The following KCNIP4 variants were observed in gnomAD, a reference collection of about 807,000 sequenced individuals.
KCNIP4 encodes the protein potassium voltage-gated channel interacting protein 4, also known as Kv channel-interacting protein 4.
KCNIP4 carries 12 observed loss-of-function variants against 34.0 expected under a neutral mutation model. That is an observed-to-expected ratio of 0.35 (90% CI 0.23 to 0.57). The LOEUF is 0.57. KCNIP4 is among the 20% of genes least tolerant of loss of function. The probability of loss-of-function intolerance (pLI) is 0.83; values close to 1 mark genes in which losing one functional copy is unlikely to be tolerated. For synonymous variants in KCNIP4, 124 were observed against 102.2 expected (o/e 1.21, Z -1.29); for missense variants, 238 against 311.7 (o/e 0.76, Z 1.78).
intron 1 of KCNIP4, among the ~76,000 whole-genome samples, chr4:21,899,152 A>C (rs1727567207): frequency 6.6e-6 from 1 of 152,216 alleles, no homozygotes; most frequent in South Asian, 2.1e-4. Context: ...AATCAATGTG[A>C]TACATAATGT....
chr4:21,119,350 C>A (rs188695683), intron 1 of KCNIP4, among the ~76,000 whole-genome samples: 167 of 151,398 alleles, frequency 1.1e-3, no homozygotes, highest in African/African-American at 3.9e-3. Flanking sequence ...GGCTATACCC[C>A]TGTCCCTTTG....
At chr4:21,189,010 T>A (rs1182235389) in intron 1 of KCNIP4, among the ~76,000 whole-genome samples, 1 of 152,220 alleles carries the variant, frequency 6.6e-6, no homozygotes, top group Non-Finnish European at 1.5e-5. Flanking sequence ...ACTCTTTGCA[T>A]ACTTGGGCAA....
At chr4:21,493,525 A>G (rs1009469307) in intron 1 of KCNIP4, among the ~76,000 whole-genome samples, 1 of 152,190 alleles carries the variant, frequency 6.6e-6, no homozygotes, top group African/African-American at 2.4e-5. Flanking sequence ...TCCTACAAAC[A>G]TTTTTAAGGC....
intron 1 of KCNIP4, among the ~76,000 whole-genome samples, chr4:21,739,886 G>A (rs1285382185): frequency 6.6e-6 from 1 of 152,002 alleles, no homozygotes; most frequent in Admixed American, 6.6e-5. Flanking sequence ...TCCAATGGTT[G>A]GTTCACAGGA....
At chr4:21,289,243 G>T (rs1386805256) in intron 1 of KCNIP4, among the ~76,000 whole-genome samples, 1 of 152,038 alleles carries the variant, frequency 6.6e-6, no homozygotes, top group Non-Finnish European at 1.5e-5. Context: ...ATTCAATCAG[G>T]GTAATTGGGG....
chr4:21,868,776 G>A (rs937404717), intron 1 of KCNIP4, among the ~76,000 whole-genome samples: 8 of 152,144 alleles, frequency 5.3e-5, no homozygotes, highest in Non-Finnish European at 1.2e-4. Flanking sequence ...CATTTACAAA[G>A]GCAGGTGGTA....
At chr4:21,382,760 C>T (rs1721633995) in intron 1 of KCNIP4, among the ~76,000 whole-genome samples, 1 of 152,094 alleles carries the variant, frequency 6.6e-6, no homozygotes. Context: ...AAACAAAATA[C>T]CAGAAACTAT....
At chr4:21,487,290 A>G (rs1228765767) in intron 1 of KCNIP4, among the ~76,000 whole-genome samples, 1 of 152,064 alleles carries the variant, frequency 6.6e-6, no homozygotes, top group Non-Finnish European at 1.5e-5. Context: ...CATCTTGTAT[A>G]ATGTCCTTTA....
At chr4:21,471,791 T>C (rs139964318) in intron 1 of KCNIP4, among the ~76,000 whole-genome samples, 1 of 152,322 alleles carries the variant, frequency 6.6e-6, no homozygotes, top group Non-Finnish European at 1.5e-5. Context: ...CCTCCATCCC[T>C]GGATTTTAAA....
At chr4:21,292,074 T>C (rs527246507) in intron 1 of KCNIP4, among the ~76,000 whole-genome samples, 9 of 152,342 alleles carry the variant, frequency 5.9e-5, no homozygotes, top group Admixed American at 3.9e-4. Context: ...AATTCATCTG[T>C]TGCTTTAAGA....
intron 1 of KCNIP4, among the ~76,000 whole-genome samples, chr4:21,427,040 G>T (rs1725990343): frequency 6.6e-6 from 1 of 151,584 alleles, no homozygotes; most frequent in Non-Finnish European, 1.5e-5. Context: ...AGCTCTTTTT[G>T]TGCAATGGTA....
At chr4:21,678,613 T>C (rs1334174112) in intron 1 of KCNIP4, among the ~76,000 whole-genome samples, 1 of 152,222 alleles carries the variant, frequency 6.6e-6, no homozygotes, top group Non-Finnish European at 1.5e-5. Context: ...ACTGACATGC[T>C]TTCTGCTTCT....
intron 1 of KCNIP4, chr4:21,729,726 G>A (rs1577911994): frequency 8.6e-6 from 1 of 116,284 alleles, no homozygotes; most frequent in East Asian, 3.7e-4. Flanking sequence ...TTTTAATCAA[G>A]AAACTAAGTT....
chr4:21,484,574 A>G (rs1256182512), intron 1 of KCNIP4, among the ~76,000 whole-genome samples: 1 of 152,208 alleles, frequency 6.6e-6, no homozygotes, highest in African/African-American at 2.4e-5. Context: ...GCAACCTGAC[A>G]TCTGTGAGTA....
intron 3 of KCNIP4, among the ~76,000 whole-genome samples, chr4:20,830,586 G>A (rs1470546525): frequency 6.6e-6 from 1 of 152,090 alleles, no homozygotes; most frequent in Non-Finnish European, 1.5e-5. Context: ...ATGGCCTTGG[G>A]AAGTTTCTAA....
At chr4:20,796,459 G>A (rs1295749568) in intron 3 of KCNIP4, among the ~76,000 whole-genome samples, 1 of 152,110 alleles carries the variant, frequency 6.6e-6, no homozygotes, top group Non-Finnish European at 1.5e-5. Context: ...TGTGTAATGT[G>A]TTGGCTCATT....
At chr4:21,086,859 CTT>C (rs1351897517) in intron 1 of KCNIP4, among the ~76,000 whole-genome samples, 1 of 151,870 alleles carries the variant, frequency 6.6e-6, no homozygotes, top group Non-Finnish European at 1.5e-5. Flanking sequence ...GTGGCAGACT[CTT>C]TTCTTTCCCT....
At chr4:21,648,904 G>C (rs781290223) in intron 1 of KCNIP4, among the ~76,000 whole-genome samples, 1 of 152,122 alleles carries the variant, frequency 6.6e-6, no homozygotes, top group Admixed American at 6.6e-5. Context: ...TTTGCTTTAT[G>C]ATATATACTC....
At chr4:21,279,451 T>C (rs1262419386) in intron 1 of KCNIP4, among the ~76,000 whole-genome samples, 1 of 151,686 alleles carries the variant, frequency 6.6e-6, no homozygotes, top group Non-Finnish European at 1.5e-5. Context: ...GTTTTGGTAT[T>C]GGCCTATTGT....
Sources: gnomAD v4.1 joint callset for allele counts (sites outside exome capture counted in the v4.1 genomes callset) on GRCh38, gnomAD v4.1.1 for gene constraint, MANE v1.5 for transcripts, NCBI Gene and HGNC (gene_info 2026-07-23, HGNC 2026-07-21) for gene names.